Variants in SINHCAF observed in about 807,000 individuals in gnomAD.
SINHCAF encodes the protein SIN3-HDAC complex associated factor.
In SINHCAF, 3 loss-of-function variants were observed where a neutral mutation model predicts 25.8. The ratio of observed to expected loss-of-function variants is 0.12; its 90% CI spans 0.05 to 0.30. The LOEUF (loss-of-function observed/expected upper bound fraction) is 0.30. Among genes scored for constraint, SINHCAF ranks in the 10% least tolerant of loss-of-function variants. The probability of loss-of-function intolerance (pLI) is 1.00; values close to 1 mark genes in which losing one functional copy is unlikely to be tolerated. For synonymous variants in SINHCAF, 70 were observed against 85.5 expected (o/e 0.82, Z 1.00); for missense variants, 121 against 262.3 (o/e 0.46, Z 3.72).
intron 1 of SINHCAF, among the ~76,000 whole-genome samples, chr12:31,302,048 A>G (rs952817616): frequency 6.6e-5 from 10 of 152,214 alleles, no homozygotes; most frequent in Non-Finnish European, 5.9e-5. Context: ...CATAGGCATC[A>G]TATCACTCAG....
rs141256923 is a variant in SINHCAF at position 31,288,002 on chromosome 12, T to G, written c.356-218A>C. Among the ~76,000 whole-genome samples the G allele has an allele frequency of 6.0e-3, 921 of 152,232 alleles. 13 individuals carry two copies. Among genetic ancestry groups the G allele is most frequent in the African/African-American group, 0.021 (874 of 41,556 alleles). On this transcript the variant is annotated intron_variant, in intron 4 of 5. Transcript: ENST00000337682. ...TAGACATACTTCCTATTCCTCCTGC[T>G]TATACAACTAAAATCCCTGGATATT...
intron 1 of SINHCAF, among the ~76,000 whole-genome samples, chr12:31,311,116 C>T (rs1049877606): frequency 6.6e-6 from 1 of 152,178 alleles, no homozygotes; most frequent in Non-Finnish European, 1.5e-5. Context: ...ATCCACCCGC[C>T]TTGGCCTCCC....
In SINHCAF at chr12:31,324,855, C is replaced by T. The variant is rs1403249396; in HGVS notation, c.-21+1169G>A. The stretch of plus-strand genomic sequence containing the variant: ...TTGCAGTGTCCTTGATGAGAAACGC[C>T]CGGAGTATCCGCCCCGCACGGGCGG... On this transcript the variant is annotated intron_variant, in intron 1 of 5. Transcript: ENST00000337682. The surrounding 1 kb of genome is among the most constrained non-coding windows in gnomAD (Gnocchi z 5.5). 4 of 414,904 alleles carry T rather than the reference C, an allele frequency of 9.6e-6. No homozygotes were observed. Among genetic ancestry groups the T allele is most frequent in the Admixed American group, 8.2e-5 (3 of 36,794 alleles). 25.7% of individuals were successfully genotyped at this position (414,904 alleles called of 1,614,324 possible).
chr12:31,297,858 G>A (rs1309349569), intron 2 of SINHCAF, among the ~76,000 whole-genome samples: 1 of 152,092 alleles, frequency 6.6e-6, no homozygotes, highest in Non-Finnish European at 1.5e-5. Context: ...ACAACTTTAA[G>A]GGGCTTCACG....
At chr12:31,323,033 C>G (rs947357631) in intron 1 of SINHCAF, among the ~76,000 whole-genome samples, 27 of 152,178 alleles carry the variant, frequency 1.8e-4, no homozygotes, top group African/African-American at 6.3e-4. Context: ...AGCCGTTACC[C>G]TGTGTCATCT....
At chr12:31,287,525 G>T (rs962310443) in intron 5 of SINHCAF, 109 bp downstream of exon 5, 4 of 718,858 alleles carry the variant, frequency 5.6e-6, no homozygotes, top group Non-Finnish European at 8.8e-6. Context: ...CACTGCAATC[G>T]TGTGTTACCA....
chr12:31,284,244 G>C (rs1433819676), intron 5 of SINHCAF, among the ~76,000 whole-genome samples: 2 of 152,068 alleles, frequency 1.3e-5, no homozygotes, highest in Non-Finnish European at 2.9e-5. Context: ...CCAATCTAAT[G>C]AGTATAAAAT....
At chr12:31,298,252 T>G in intron 1 of SINHCAF, 28 bp from the exon 2 acceptor site, 1 of 1,611,128 alleles carries the variant, frequency 6.2e-7, no homozygotes. Flanking sequence ...TTGACATATC[T>G]TTGTTGAGGG....
chr12:31,303,213 C>T (rs1157584989), intron 1 of SINHCAF: 1 of 985,420 alleles, frequency 1.0e-6, no homozygotes, highest in Non-Finnish European at 1.2e-6. Context: ...TGTGTCAACC[C>T]ATTTTTCCTT....
At chr12:31,309,243 C>A in intron 1 of SINHCAF, among the ~76,000 whole-genome samples, 1 of 152,058 alleles carries the variant, frequency 6.6e-6, no homozygotes, top group East Asian at 1.9e-4. Flanking sequence ...TGTCTACAGC[C>A]CGTAAGTTTT....
intron 2 of SINHCAF, among the ~76,000 whole-genome samples, chr12:31,295,810 T>TG (rs1938524174): frequency 6.6e-6 from 1 of 151,772 alleles, no homozygotes; most frequent in African/African-American, 2.4e-5. Flanking sequence ...AAGCAGAGGT[T>TG]GCAGTGAGCC....
intron 1 of SINHCAF, among the ~76,000 whole-genome samples, chr12:31,306,212 A>T (rs1355635640): frequency 6.6e-6 from 1 of 152,220 alleles, no homozygotes; most frequent in African/African-American, 2.4e-5. Context: ...GGTGGCAGCT[A>T]GATAAAATCA....
intron 2 of SINHCAF, among the ~76,000 whole-genome samples, chr12:31,296,085 CT>C: frequency 6.6e-6 from 1 of 151,970 alleles, no homozygotes; most frequent in Admixed American, 6.6e-5. Context: ...AACTCAAGAC[CT>C]AAAAGAGATT....
intron 4 of SINHCAF, among the ~76,000 whole-genome samples, chr12:31,293,573 A>C (rs902313294): frequency 6.6e-6 from 1 of 152,236 alleles, no homozygotes; most frequent in Non-Finnish European, 1.5e-5. Flanking sequence ...GGGTGGTCTC[A>C]GTACAATCTG....
At chr12:31,291,679 G>A (rs1291628214) in intron 4 of SINHCAF, among the ~76,000 whole-genome samples, 1 of 152,014 alleles carries the variant, frequency 6.6e-6, no homozygotes, top group African/African-American at 2.4e-5. Flanking sequence ...CAGGAGAATC[G>A]CTTGAACCCA....
intron 1 of SINHCAF, among the ~76,000 whole-genome samples, chr12:31,305,696 A>ATTTTT (rs751436938): frequency 2.3e-5 from 3 of 130,794 alleles, no homozygotes; most frequent in African/African-American, 5.7e-5. Flanking sequence ...ATATAGGCCA[A>ATTTTT]TTTTTTTTTT....
intron 1 of SINHCAF, chr12:31,304,094 T>C (rs1158638559): frequency 8.0e-6 from 1 of 125,038 alleles, no homozygotes; most frequent in Non-Finnish European, 1.6e-5. Flanking sequence ...CACTACAACC[T>C]AGGCGAAAGA....
At chr12:31,318,866 C>A (rs925420727) in intron 1 of SINHCAF, among the ~76,000 whole-genome samples, 5 of 152,160 alleles carry the variant, frequency 3.3e-5, no homozygotes, top group African/African-American at 1.2e-4. Context: ...GGAAGTCACT[C>A]CTAATTTTAT....
At chr12:31,302,289 T>C (rs192465658) in intron 1 of SINHCAF, among the ~76,000 whole-genome samples, 2 of 152,152 alleles carry the variant, frequency 1.3e-5, no homozygotes, top group South Asian at 2.1e-4. Context: ...ATTCTGAGTA[T>C]ACTAAAAGCC....
Sources: gnomAD v4.1 joint callset for allele counts (sites outside exome capture counted in the v4.1 genomes callset) on GRCh38, gnomAD v4.1.1 for gene constraint, Gnocchi (gnomAD v3.1) non-coding constraint, MANE v1.5 for transcripts, NCBI Gene and HGNC (gene_info 2026-07-23, HGNC 2026-07-21) for gene names.